WDR7: variants seen among roughly 807,000 people sequenced by gnomAD.
WDR7 encodes WD repeat domain 7, also known as WD repeat-containing protein 7.
WDR7 carries 46 observed loss-of-function variants against 169.4 expected under a neutral mutation model. That is an observed-to-expected ratio of 0.27 (90% CI 0.21 to 0.35). The LOEUF (loss-of-function observed/expected upper bound fraction) is 0.35, where lower values mean the gene tolerates loss of function less well. Among genes scored for constraint, WDR7 ranks in the 10% least tolerant of loss-of-function variants. The probability of loss-of-function intolerance (pLI) is 1.00; values close to 1 mark genes in which losing one functional copy is unlikely to be tolerated. For missense variants in WDR7, 1,534 were observed against 1,859.3 expected, an observed-to-expected ratio of 0.83 and a Z score of 3.22; for synonymous variants, 612 against 666.8, an observed-to-expected ratio of 0.92 and a Z score of 1.27.
At position 56,886,700 on chromosome 18, in the gene WDR7, C is replaced by T. The variant is rs146281531; in HGVS notation, c.3526+6535C>T. On this transcript the variant is annotated intron_variant, in intron 21 of 27. Coordinates refer to ENST00000254442, the MANE Select transcript of WDR7 (RefSeq NM_015285.3). ...GAATGGCAGAATGGATAAGAATTCA[C>T]CAACCAAGTTTCTGCTGTCTTCAAG... 1.5e-3 allele frequency among the ~76,000 whole-genome samples: 223 copies of T among 152,280 alleles called. 3 individuals carry two copies. In the East Asian group the frequency reaches 0.037, roughly 25 times the overall value.
intron 21 of WDR7, among the ~76,000 whole-genome samples, chr18:56,896,188 A>G (rs2145546362): frequency 6.6e-6 from 1 of 152,016 alleles, no homozygotes; most frequent in Non-Finnish European, 1.5e-5. Flanking sequence ...ATTTTGAAAC[A>G]CCTAGAGAGA....
chr18:56,930,658 C>G (rs919959176), intron 22 of WDR7, among the ~76,000 whole-genome samples: 1 of 152,152 alleles, frequency 6.6e-6, no homozygotes, highest in African/African-American at 2.4e-5. Context: ...TATTAACATA[C>G]CTGTTTAGCC....
intron 14 of WDR7, among the ~76,000 whole-genome samples, chr18:56,750,324 A>G (rs1028711844): frequency 2.6e-5 from 4 of 152,208 alleles, no homozygotes; most frequent in Non-Finnish European, 5.9e-5. Flanking sequence ...AAATATGTCT[A>G]TCTTACTACC....
intron 22 of WDR7, among the ~76,000 whole-genome samples, chr18:56,928,764 G>A (rs146699712): frequency 6.6e-6 from 1 of 152,128 alleles, no homozygotes. Flanking sequence ...CTTTGCAGAT[G>A]AGAAAAAAAT....
chr18:56,809,970 A>G (rs2145193241), intron 19 of WDR7, among the ~76,000 whole-genome samples: 1 of 152,128 alleles, frequency 6.6e-6, no homozygotes, highest in African/African-American at 2.4e-5. Context: ...CCTGGCAACC[A>G]CTGATTTCAT....
intron 8 of WDR7, 123 bp downstream of exon 8, chr18:56,691,484 A>G: frequency 8.5e-7 from 1 of 1,181,688 alleles, no homozygotes; most frequent in Non-Finnish European, 1.1e-6. Flanking sequence ...ACACTTCAGA[A>G]CTTCTTAAGT....
In WDR7 at chr18:56,762,899, T is replaced by G. The variant is rs2044000027; in HGVS notation, c.2848+3946T>G. 5.9e-5 allele frequency among the ~76,000 whole-genome samples: 2 copies of G among 33,874 alleles called. 1 individual carries two copies. Among genetic ancestry groups the G allele is most frequent in the Non-Finnish European group, 1.5e-4 (2 of 13,154 alleles). The allele number at this position is 33,874 out of a possible 152,430, so 22.2% of individuals were successfully genotyped here. On this transcript the variant is annotated intron_variant, in intron 16 of 27. Transcript: ENST00000254442. ...CAATTTTTCTTACCTTAGTAAGAATTTTTTTTTTTTTTTACCTTGGGTTGC... is the reference window on the plus strand; with the variant it reads ...CAATTTTTCTTACCTTAGTAAGAATGTTTTTTTTTTTTTACCTTGGGTTGC...
At chr18:56,782,804 G>A (rs2044339345) in intron 19 of WDR7, among the ~76,000 whole-genome samples, 1 of 152,070 alleles carries the variant, frequency 6.6e-6, no homozygotes, top group African/African-American at 2.4e-5. Context: ...TGACTCTAGT[G>A]GATGTTTAAT....
At chr18:56,731,659 G>A in intron 14 of WDR7, 62 bp downstream of exon 14, 1 of 1,362,028 alleles carries the variant, frequency 7.3e-7, no homozygotes, top group Non-Finnish European at 1.0e-6. Context: ...TTAGTAACAT[G>A]GCTTTGGCAT....
At position 56,696,333 on chromosome 18, in the gene WDR7, A is replaced by G. The variant is rs1223602672; in HGVS notation, c.1449A>G (p.Arg483=). Residue 483 remains arginine, a synonymous_variant, in exon 12 of 28, where the codon AGA becomes AGG. Transcript: ENST00000254442. Reference sequence around the variant, plus strand: ...AGGTCTCAGCTCGGTATGATCAAAGATACCTGATATCTGGAGGTGTGGATT... The same window carrying G: ...AGGTCTCAGCTCGGTATGATCAAAGGTACCTGATATCTGGAGGTGTGGATT... ...PHQVSARYDQ[R]YLISGGVDFS... 6.2e-7 allele frequency: 1 copy of G among 1,614,172 alleles called. No individual in the cohort carries two copies. Among genetic ancestry groups the G allele is most frequent in the Admixed American group, 1.7e-5 (1 of 60,020 alleles).
At chr18:56,764,066 T>A (rs74675360) in intron 16 of WDR7, among the ~76,000 whole-genome samples, 1 of 126,994 alleles carries the variant, frequency 7.9e-6, no homozygotes, top group African/African-American at 3.1e-5. Flanking sequence ...GATTATTATT[T>A]ATTTTTTCTA....
intron 16 of WDR7, among the ~76,000 whole-genome samples, chr18:56,760,449 A>G (rs1191964636): frequency 6.6e-6 from 1 of 152,202 alleles, no homozygotes; most frequent in East Asian, 1.9e-4. Context: ...TCAATTAAAC[A>G]GTATATATTT....
chr18:56,942,696 A>G (rs2047049726), intron 25 of WDR7, among the ~76,000 whole-genome samples: 1 of 152,132 alleles, frequency 6.6e-6, no homozygotes, highest in Non-Finnish European at 1.5e-5. Flanking sequence ...CTGTGGTACA[A>G]CTGGTTTCAT....
At chr18:56,780,717 T>C (rs7227605) in intron 18 of WDR7, among the ~76,000 whole-genome samples, 88,694 of 151,666 alleles carry the variant, frequency 0.58, 26,832 homozygotes, top group South Asian at 0.69. Flanking sequence ...CAAGTATTAC[T>C]GGAGCCCGGG....
chr18:56,781,117 T>A (rs995156420), intron 18 of WDR7, among the ~76,000 whole-genome samples: 1 of 152,140 alleles, frequency 6.6e-6, no homozygotes, highest in Non-Finnish European at 1.5e-5. Context: ...AGAAATTAAA[T>A]AGATAAGGTT....
At position 56,717,876 on chromosome 18, in the gene WDR7, A is replaced by G. The variant is rs948617239; in HGVS notation, c.1579-88A>G. 4.6e-6 allele frequency: 6 copies of G among 1,303,166 alleles called. No individual in the cohort carries two copies. In the South Asian group the frequency reaches 7.1e-5, roughly 15 times the overall value. 80.7% of individuals were successfully genotyped at this position (1,303,166 alleles called of 1,614,324 possible). ...GGTTTTTCAGTGGCAGCAAATGTATAATTAATTTTGCCTTAAGTTATTGAA... is the reference window on the plus strand; with the variant it reads ...GGTTTTTCAGTGGCAGCAAATGTATGATTAATTTTGCCTTAAGTTATTGAA... On this transcript the variant is annotated intron_variant, in intron 12 of 27. Transcript: ENST00000254442.
chr18:56,714,347 A>G (rs2026145994), intron 12 of WDR7, among the ~76,000 whole-genome samples: 1 of 150,410 alleles, frequency 6.6e-6, no homozygotes, highest in South Asian at 2.1e-4. Flanking sequence ...TATTTTGGCT[A>G]CTTCCAGTCT....
At chr18:56,699,413 G>T (rs1009282620) in intron 12 of WDR7, among the ~76,000 whole-genome samples, 8 of 152,096 alleles carry the variant, frequency 5.3e-5, no homozygotes, top group Admixed American at 6.6e-5. Context: ...TTGTTTAAAC[G>T]TTTTGATTGG....
At chr18:56,967,466 C>T (rs1243936712) in intron 26 of WDR7, among the ~76,000 whole-genome samples, 2 of 152,042 alleles carry the variant, frequency 1.3e-5, no homozygotes, top group Non-Finnish European at 2.9e-5. Flanking sequence ...AGGCTGTGCT[C>T]TTGCTAAGCA....
Sources: allele counts gnomAD v4.1 joint callset (sites outside exome capture counted in the v4.1 genomes callset), GRCh38; gene constraint gnomAD v4.1.1; transcripts MANE v1.5; gene names NCBI Gene and HGNC (gene_info 2026-07-23, HGNC 2026-07-21).